PREX2: variants seen among roughly 807,000 people sequenced by gnomAD.
The protein encoded by PREX2 is phosphatidylinositol-3,4,5-trisphosphate dependent Rac exchange factor 2.
Under a neutral mutation model 203.2 loss-of-function variants are expected in PREX2, and 107 were observed. The ratio of observed to expected loss-of-function variants is 0.53; its 90% CI spans 0.45 to 0.62. The LOEUF is 0.62. Among genes scored for constraint, PREX2 ranks in the 20% least tolerant of loss-of-function variants. PREX2 has a pLI of 0.00. For synonymous variants in PREX2, 672 were observed against 663.6 expected (o/e 1.01, Z -0.19); for missense variants, 1,777 against 1,955.9 (o/e 0.91, Z 1.72).
At position 68,030,595 on chromosome 8, in the gene PREX2, C is replaced by T; in HGVS notation, c.642C>T (p.Ala214=). The change falls in exon 6 of 40, where the codon GCC becomes GCT. Residue 214 remains alanine, a synonymous_variant. Coordinates refer to ENST00000288368, the MANE Select transcript of PREX2 (RefSeq NM_024870.4). ...CTGTCTGTTCCAACATAAACGAGGCCAAGAGACAGATGGAGAAGTTAGAAG... is the reference window on the plus strand; with the variant it reads ...CTGTCTGTTCCAACATAAACGAGGCTAAGAGACAGATGGAGAAGTTAGAAG... ...MKAVCSNINE[A]KRQMEKLEVL... The T allele has an allele frequency of 6.2e-7, 1 of 1,613,616 alleles. No homozygotes were observed. The highest frequency in any genetic ancestry group is 8.5e-7 in the Non-Finnish European group (1 of 1,179,688).
At chr8:68,171,006 GATT>G (rs1156634874) in intron 35 of PREX2, among the ~76,000 whole-genome samples, 27 of 152,126 alleles carry the variant, frequency 1.8e-4, no homozygotes, top group Admixed American at 1.8e-3. Context: ...GAAGGGTTTA[GATT>G]ATTATGTTTA....
At chr8:68,219,584 A>G (rs915686455) in intron 38 of PREX2, among the ~76,000 whole-genome samples, 36 of 152,054 alleles carry the variant, frequency 2.4e-4, no homozygotes, top group African/African-American at 8.2e-4. Flanking sequence ...TTCCTTTGTT[A>G]TTTGTTCCTC....
intron 35 of PREX2, among the ~76,000 whole-genome samples, chr8:68,160,336 T>C (rs1214744088): frequency 6.6e-6 from 1 of 152,154 alleles, no homozygotes; most frequent in Non-Finnish European, 1.5e-5. Flanking sequence ...AAAATCATCA[T>C]AGTTATATAT....
intron 23 of PREX2, chr8:68,105,059 T>C: frequency 1.8e-6 from 2 of 1,119,584 alleles, no homozygotes; most frequent in Non-Finnish European, 2.5e-6. Flanking sequence ...GATTGATGTT[T>C]ACAGGGCCAT....
chr8:68,176,949 AAGAT>A (rs1811991366), intron 35 of PREX2: 2 of 152,302 alleles, frequency 1.3e-5, no homozygotes, highest in South Asian at 4.2e-4. Context: ...AAACATTATA[AAGAT>A]AGAGACAATT....
At chr8:68,122,733 C>A (rs1328075883) in intron 30 of PREX2, among the ~76,000 whole-genome samples, 1 of 152,036 alleles carries the variant, frequency 6.6e-6, no homozygotes, top group Non-Finnish European at 1.5e-5. Context: ...CAAAGAACTT[C>A]TTGGCTTCTG....
At chr8:67,966,617 A>G (rs1281269824) in intron 1 of PREX2, among the ~76,000 whole-genome samples, 1 of 152,138 alleles carries the variant, frequency 6.6e-6, no homozygotes, top group African/African-American at 2.4e-5. Context: ...ACAAACAACA[A>G]AAAACAACAA....
chr8:67,986,461 G>A (rs1331856014), intron 1 of PREX2, among the ~76,000 whole-genome samples: 5 of 152,072 alleles, frequency 3.3e-5, no homozygotes, highest in African/African-American at 4.8e-5. Flanking sequence ...CATCCTGTCT[G>A]CAGGTGGCTT....
intron 34 of PREX2, among the ~76,000 whole-genome samples, chr8:68,151,841 G>A (rs1479190166): frequency 6.6e-6 from 1 of 150,996 alleles, no homozygotes; most frequent in African/African-American, 2.4e-5. Context: ...TCTTGACAAG[G>A]TATCTTTCTT....
At chr8:68,143,343 C>T (rs1213770275) in intron 33 of PREX2, among the ~76,000 whole-genome samples, 1 of 152,194 alleles carries the variant, frequency 6.6e-6, no homozygotes, top group East Asian at 1.9e-4. Context: ...CCAGCTTGCT[C>T]TCTTGCTCTT....
At chr8:68,017,372 T>G (rs962884293) in intron 1 of PREX2, among the ~76,000 whole-genome samples, 2 of 152,010 alleles carry the variant, frequency 1.3e-5, no homozygotes, top group East Asian at 1.9e-4. Flanking sequence ...GGGATAGCTA[T>G]CTATCTATCT....
intron 1 of PREX2, among the ~76,000 whole-genome samples, chr8:67,997,288 C>T (rs75133705): frequency 0.029 from 4,480 of 152,032 alleles, 208 homozygotes; most frequent in African/African-American, 0.1. Flanking sequence ...ATGGAGGAAA[C>T]GTCCCAAGAC....
At chr8:68,174,777 G>C (rs182857480) in intron 35 of PREX2, among the ~76,000 whole-genome samples, 302 of 152,206 alleles carry the variant, frequency 2.0e-3, no homozygotes, top group Non-Finnish European at 2.7e-3. Flanking sequence ...ATAAATGTTT[G>C]TATGTACGTG....
At chr8:68,028,032 T>A (rs1437845355) in intron 5 of PREX2, among the ~76,000 whole-genome samples, 1 of 152,028 alleles carries the variant, frequency 6.6e-6, no homozygotes, top group Admixed American at 6.6e-5. Flanking sequence ...ATGGGCAGCC[T>A]GGGATAGTGG....
intron 1 of PREX2, among the ~76,000 whole-genome samples, chr8:67,987,152 CAAAAAAA>C (rs57315665): frequency 5.4e-5 from 3 of 55,108 alleles, no homozygotes; most frequent in Non-Finnish European, 1.0e-4. Flanking sequence ...GACTTCATCT[CAAAAAAA>C]AAAAAAAAAA....
intron 23 of PREX2, chr8:68,105,188 G>C: frequency 7.3e-7 from 1 of 1,367,728 alleles, no homozygotes; most frequent in Non-Finnish European, 9.8e-7. Context: ...ATGCTGTCTG[G>C]GAGCACAGTT....
At chr8:68,229,560 C>A (rs541431305) in intron 39 of PREX2, among the ~76,000 whole-genome samples, 1 of 152,322 alleles carries the variant, frequency 6.6e-6, no homozygotes, top group South Asian at 2.1e-4. Flanking sequence ...TGCCCAGTTC[C>A]ACAATACCCA....
intron 35 of PREX2, among the ~76,000 whole-genome samples, chr8:68,166,779 G>A (rs1464907805): frequency 6.6e-6 from 1 of 151,992 alleles, no homozygotes; most frequent in Non-Finnish European, 1.5e-5. Flanking sequence ...ACCAGCTTGG[G>A]CAAATAGAGA....
chr8:68,171,001 G>GTT (rs1419727980), intron 35 of PREX2, among the ~76,000 whole-genome samples: 2 of 152,116 alleles, frequency 1.3e-5, no homozygotes, highest in African/African-American at 2.4e-5. Context: ...GATTTGAAGG[G>GTT]TTTAGATTAT....
Sources: allele counts gnomAD v4.1 joint callset (sites outside exome capture counted in the v4.1 genomes callset), GRCh38; gene constraint gnomAD v4.1.1; transcripts MANE v1.5; gene names NCBI Gene and HGNC (gene_info 2026-07-23, HGNC 2026-07-21).